Variants in PPP1R12A observed in about 807,000 individuals in gnomAD.
PPP1R12A encodes the protein myosin binding subunit.
PPP1R12A carries 19 observed loss-of-function variants against 139.6 expected under a neutral mutation model. The observed-to-expected ratio is 0.14, with a 90% CI of 0.09 to 0.20. PPP1R12A has a LOEUF of 0.20. Among genes scored for constraint, PPP1R12A ranks in the 10% least tolerant of loss-of-function variants. PPP1R12A has a pLI of 1.00. For missense variants in PPP1R12A, 925 were observed against 1,211.5 expected, an observed-to-expected ratio of 0.76 and a Z score of 3.51; for synonymous variants, 427 against 420.6, an observed-to-expected ratio of 1.02 and a Z score of -0.19.
chr12:79,905,073 A>G (rs1885978826), intron 1 of PPP1R12A, among the ~76,000 whole-genome samples: 1 of 152,174 alleles, frequency 6.6e-6, no homozygotes. Flanking sequence ...TCCAGCTGCT[A>G]TGTTATTAAA....
At chr12:79,787,546 T>C (rs1373776356) in intron 21 of PPP1R12A, 2 of 152,228 alleles carry the variant, frequency 1.3e-5, no homozygotes, top group African/African-American at 4.8e-5. Flanking sequence ...AGTTTTCCTC[T>C]TGTTGCCCAG....
At chr12:79,847,655 A>C (rs1467997231) in intron 2 of PPP1R12A, among the ~76,000 whole-genome samples, 1 of 152,174 alleles carries the variant, frequency 6.6e-6, no homozygotes, top group Non-Finnish European at 1.5e-5. Context: ...AAAAGTTTAT[A>C]GTCTAGTAAG....
intron 1 of PPP1R12A, among the ~76,000 whole-genome samples, chr12:79,895,344 C>CT (rs1336104288): frequency 6.6e-6 from 1 of 152,034 alleles, no homozygotes; most frequent in Non-Finnish European, 1.5e-5. Flanking sequence ...AGGAGAAACT[C>CT]TAAGAAAATG....
intron 10 of PPP1R12A, among the ~76,000 whole-genome samples, chr12:79,809,188 C>G (rs1874219514): frequency 6.6e-6 from 1 of 151,878 alleles, no homozygotes; most frequent in Non-Finnish European, 1.5e-5. Context: ...ATCTGAATTT[C>G]TGATATAAGG....
At chr12:79,899,231 AAAATATATATATATATATAT>A (rs1250588260) in intron 1 of PPP1R12A, among the ~76,000 whole-genome samples, 10 of 122,708 alleles carry the variant, frequency 8.1e-5, no homozygotes, top group African/African-American at 3.0e-4. Flanking sequence ...AGAGATCTTA[AAAATATATATATATATATAT>A]ATATATATAT....
chr12:79,838,434 G>C (rs146037207), intron 3 of PPP1R12A, among the ~76,000 whole-genome samples: 1 of 152,240 alleles, frequency 6.6e-6, no homozygotes, highest in Non-Finnish European at 1.5e-5. Context: ...CATAAGTAAC[G>C]AGTAACCAAA....
chr12:79,846,728 C>T lies in PPP1R12A; in HGVS notation c.369-1308G>A, dbSNP rs186633425. 2.3e-3 allele frequency among the ~76,000 whole-genome samples: 348 copies of T among 151,950 alleles called. 2 individuals are homozygous for T. Among genetic ancestry groups the T allele is most frequent in the Non-Finnish European group, 4.2e-3 (284 of 67,952 alleles). ...ACAGGAGTGAGCCACCACGCCTGGC[C>T]TACCCAAGTCAATTTCTAACTTAAA... On this transcript the variant is annotated intron_variant, in intron 2 of 24. Transcript: ENST00000450142.
intron 2 of PPP1R12A, among the ~76,000 whole-genome samples, chr12:79,871,965 T>A (rs573406898): frequency 1.3e-5 from 2 of 152,238 alleles, no homozygotes; most frequent in South Asian, 4.1e-4. Flanking sequence ...AAAATTCGGG[T>A]AATTCAGACC....
chr12:79,799,369 C>T (rs929481622), intron 14 of PPP1R12A, among the ~76,000 whole-genome samples: 1 of 152,076 alleles, frequency 6.6e-6, no homozygotes, highest in Non-Finnish European at 1.5e-5. Context: ...AGGCTGGTCT[C>T]GAACTCCTGA....
intron 8 of PPP1R12A, chr12:79,818,981 AAG>A (rs1210591046): frequency 6.6e-6 from 1 of 152,190 alleles, no homozygotes; most frequent in Non-Finnish European, 1.5e-5. Flanking sequence ...AGCTGATATT[AAG>A]AGAGTGAGAG....
rs373358449 is a variant in PPP1R12A, at chr12:79,896,211, C to A, written c.238-23273G>T. Among the ~76,000 whole-genome samples the A allele has an allele frequency of 4.6e-5, 7 of 152,060 alleles. No individual in the cohort carries two copies. In the East Asian group the frequency reaches 1.4e-3, roughly 29 times the overall value. On this transcript the variant is annotated intron_variant, in intron 1 of 24. Coordinates refer to ENST00000450142, the MANE Select transcript of PPP1R12A (RefSeq NM_002480.3). ...TTTTTCAAATATGAGTAACATAAGA[C>A]CTTTCTAAAACATCCCTAATATTGA...
chr12:79,881,405 T>C (rs919449774), intron 1 of PPP1R12A, among the ~76,000 whole-genome samples: 5 of 152,210 alleles, frequency 3.3e-5, no homozygotes, highest in Non-Finnish European at 2.9e-5. Context: ...GAGAAAGTGT[T>C]AGTGACCTGG....
intron 5 of PPP1R12A, among the ~76,000 whole-genome samples, chr12:79,827,534 T>C (rs955407382): frequency 9.9e-5 from 15 of 152,112 alleles, no homozygotes; most frequent in Non-Finnish European, 1.9e-4. Flanking sequence ...CCATGATACT[T>C]ATTACCTACC....
chr12:79,897,227 T>C (rs555953647), intron 1 of PPP1R12A, among the ~76,000 whole-genome samples: 184 of 152,186 alleles, frequency 1.2e-3, no homozygotes, highest in Non-Finnish European at 2.1e-3. Flanking sequence ...AACGAAATCA[T>C]GTCTTCTGCA....
At chr12:79,883,731 A>C (rs1188325867) in intron 1 of PPP1R12A, among the ~76,000 whole-genome samples, 1 of 152,188 alleles carries the variant, frequency 6.6e-6, no homozygotes, top group Non-Finnish European at 1.5e-5. Flanking sequence ...TCATTCAGGG[A>C]AAGAGTGTAG....
At chr12:79,835,051 C>T (rs183011291) in intron 3 of PPP1R12A, among the ~76,000 whole-genome samples, 192 of 152,260 alleles carry the variant, frequency 1.3e-3, no homozygotes, top group Non-Finnish European at 2.3e-3. Context: ...GACCCATCGT[C>T]AATGTGCACA....
At position 79,805,761 on chromosome 12, in the gene PPP1R12A, T is replaced by G. The variant is rs368465129; in HGVS notation, c.1831A>C (p.Asn611His). 9.3e-6 allele frequency: 15 copies of G among 1,611,700 alleles called. No homozygotes were observed. Among genetic ancestry groups the G allele is most frequent in the Admixed American group, 1.7e-5 (1 of 59,704 alleles). ...GTACTATCCTCAGCCCACAAACGAT[T>G]TGAGGTACTATAGCATCATAAGCAG... ...SSAGTQSSTS[N>H]RLWAEDSTEK... Residue 611 changes from asparagine to histidine, a missense_variant, in exon 14 of 25, where the codon AAT (asparagine) becomes CAT (histidine). By Grantham distance (68) the Asn-to-His change is moderately conservative. This residue lies in a region of PPP1R12A where 403 missense variants were observed against 463.7 expected (regional missense o/e 0.87). Coordinates refer to ENST00000450142, the MANE Select transcript of PPP1R12A (RefSeq NM_002480.3).
At chr12:79,823,528 A>G (rs896360284) in intron 5 of PPP1R12A, among the ~76,000 whole-genome samples, 4 of 152,142 alleles carry the variant, frequency 2.6e-5, no homozygotes, top group Non-Finnish European at 4.4e-5. Flanking sequence ...AAGCTAGCCA[A>G]TATCTGAGCT....
intron 1 of PPP1R12A, among the ~76,000 whole-genome samples, chr12:79,916,695 G>A (rs745642342): frequency 2.6e-5 from 4 of 152,066 alleles, no homozygotes; most frequent in South Asian, 2.1e-4. Context: ...TCATCACATC[G>A]TCAAGCAGTC....
Sources: gnomAD v4.1 joint callset for allele counts (sites outside exome capture counted in the v4.1 genomes callset) on GRCh38, gnomAD v4.1.1 for gene constraint, gnomAD v4.1.1 regional missense constraint, MANE v1.5 for transcripts, NCBI Gene and HGNC (gene_info 2026-07-23, HGNC 2026-07-21) for gene names.